TANC1: variants seen among roughly 807,000 people sequenced by gnomAD.
The protein encoded by TANC1 is protein TANC1.
Under a neutral mutation model 149.7 loss-of-function variants are expected in TANC1, and 77 were observed. The ratio of observed to expected loss-of-function variants is 0.51; its 90% CI spans 0.43 to 0.62. The LOEUF is 0.62. TANC1 is among the 20% of genes least tolerant of loss of function. The probability of loss-of-function intolerance (pLI) is 0.00; values close to 1 mark genes in which losing one functional copy is unlikely to be tolerated. For synonymous variants in TANC1, 854 were observed against 925.0 expected, an observed-to-expected ratio of 0.92 and a Z score of 1.39; for missense variants, 1,985 against 2,321.8, an observed-to-expected ratio of 0.85 and a Z score of 2.98.
intron 12 of TANC1, 56 bp from the exon 13 acceptor site, chr2:159,176,296 G>T (rs2055849979): frequency 9.6e-7 from 1 of 1,040,184 alleles, no homozygotes; most frequent in Admixed American, 2.8e-5. Flanking sequence ...ACTGGGTGTT[G>T]CTGTCTTAGA....
Position 159,037,200 on chromosome 2 carries a change from A to G in TANC1, c.-15-28696A>G, listed in dbSNP as rs576465718. Among the ~76,000 whole-genome samples the G allele has an allele frequency of 1.2e-4, 18 of 151,892 alleles. 1 individual carries two copies. In the East Asian group the frequency reaches 3.1e-3, roughly 26 times the overall value. Reference sequence around the variant, plus strand: ...GTTCATTTCCTTTGCCCACTTTTTGATGGGGTTGTTTGATTTTTTCTTGAA... The same window carrying G: ...GTTCATTTCCTTTGCCCACTTTTTGGTGGGGTTGTTTGATTTTTTCTTGAA... On this transcript the variant is annotated intron_variant, in intron 2 of 26. Coordinates refer to ENST00000263635, the MANE Select transcript of TANC1 (RefSeq NM_033394.3).
At chr2:159,158,332 C>G (rs1219251931) in intron 7 of TANC1, among the ~76,000 whole-genome samples, 4 of 152,078 alleles carry the variant, frequency 2.6e-5, no homozygotes, top group African/African-American at 9.7e-5. Context: ...TGTACTCCAG[C>G]CTGGGCAACA....
chr2:159,176,738 C>T (rs1333454458), intron 13 of TANC1, among the ~76,000 whole-genome samples: 2 of 152,036 alleles, frequency 1.3e-5, no homozygotes, highest in African/African-American at 2.4e-5. Context: ...CTGTTGGCAT[C>T]GAATTGCACG....
chr2:159,087,072 A>G (rs1489035994), intron 3 of TANC1, among the ~76,000 whole-genome samples: 1 of 152,116 alleles, frequency 6.6e-6, no homozygotes, highest in African/African-American at 2.4e-5. Flanking sequence ...GGCAGGCAGC[A>G]TCAGTTATTG....
At chr2:159,047,231 C>T (rs945539878) in intron 2 of TANC1, among the ~76,000 whole-genome samples, 1 of 150,696 alleles carries the variant, frequency 6.6e-6, no homozygotes. Context: ...CCACTCCAAA[C>T]CACTCACCCC....
At chr2:159,104,184 T>C (rs1292356509) in intron 4 of TANC1, among the ~76,000 whole-genome samples, 1 of 96,418 alleles carries the variant, frequency 1.0e-5, no homozygotes, top group African/African-American at 2.9e-5. Flanking sequence ...GCCTCCTTAC[T>C]GCGTGCCCAG....
At position 159,097,841 on chromosome 2, in the gene TANC1, A is replaced by C; in HGVS notation, c.259+7A>C. ...GTGAACAAAAAATCCCCAGGTAAAC[A>C]GGCAATGAAGGAGCTGCCTTGGTTA... On this transcript the variant is annotated splice_region_variant and intron_variant, in intron 4 of 26. Coordinates refer to ENST00000263635, the MANE Select transcript of TANC1 (RefSeq NM_033394.3). 6.2e-7 allele frequency: 1 copy of C among 1,608,974 alleles called. No homozygotes were observed. The highest frequency in any genetic ancestry group is 1.1e-5 in the South Asian group (1 of 91,036).
At chr2:159,170,482 A>C (rs2055085263) in intron 9 of TANC1, 42 bp from the exon 10 acceptor site, 1 of 1,536,684 alleles carries the variant, frequency 6.5e-7, no homozygotes, top group African/African-American at 1.4e-5. Flanking sequence ...TAGTTTATAA[A>C]ATTATGACAT....
At chr2:159,172,468 G>A (rs1408165165) in intron 11 of TANC1, among the ~76,000 whole-genome samples, 196 bp downstream of exon 11, 2 of 152,234 alleles carry the variant, frequency 1.3e-5, no homozygotes, top group Non-Finnish European at 2.9e-5. Context: ...GACATTGGCA[G>A]TGGACCTGAT....
chr2:159,205,931 T>C (rs2058576132), intron 19 of TANC1, among the ~76,000 whole-genome samples: 2 of 152,242 alleles, frequency 1.3e-5, no homozygotes. Context: ...CTTGCTGTCG[T>C]ACACTGAAGA....
At chr2:159,174,924 G>A (rs771672750) in intron 11 of TANC1, 29 bp from the exon 12 acceptor site, 15 of 1,562,260 alleles carry the variant, frequency 9.6e-6, no homozygotes, top group Admixed American at 1.7e-5. Context: ...AGAGGGTGAG[G>A]TGATGCTGAC....
intron 1 of TANC1, among the ~76,000 whole-genome samples, chr2:158,988,744 T>G (rs1033863743): frequency 6.6e-6 from 1 of 152,168 alleles, no homozygotes. Flanking sequence ...CTTGAAGGCC[T>G]TAAGAGAGAG....
chr2:159,062,851 C>T (rs1351854554), intron 2 of TANC1, among the ~76,000 whole-genome samples: 1 of 151,104 alleles, frequency 6.6e-6, no homozygotes, highest in East Asian at 1.9e-4. Flanking sequence ...CCTGTAGTCC[C>T]AGCTACTCAG....
At chr2:159,015,960 C>A (rs1384687290) in intron 2 of TANC1, among the ~76,000 whole-genome samples, 1 of 152,214 alleles carries the variant, frequency 6.6e-6, no homozygotes, top group African/African-American at 2.4e-5. Flanking sequence ...CTGAGCCCTT[C>A]AAACTGTTCC....
chr2:159,204,079 A>G (rs2058442732), intron 19 of TANC1, among the ~76,000 whole-genome samples: 1 of 152,262 alleles, frequency 6.6e-6, no homozygotes, highest in Non-Finnish European at 1.5e-5. Flanking sequence ...ACAATAGTTT[A>G]AAATCTCATC....
chr2:159,048,410 G>T (rs188406341), intron 2 of TANC1, among the ~76,000 whole-genome samples: 64 of 152,296 alleles, frequency 4.2e-4, no homozygotes, highest in African/African-American at 1.4e-3. Context: ...TAGCTGGGTG[G>T]CCTGAGACAA....
chr2:159,114,934 G>A (rs1372323456), intron 4 of TANC1, among the ~76,000 whole-genome samples: 1 of 152,136 alleles, frequency 6.6e-6, no homozygotes, highest in African/African-American at 2.4e-5. Flanking sequence ...AGTCTTTCAC[G>A]CAGTGATTTC....
intron 4 of TANC1, among the ~76,000 whole-genome samples, chr2:159,129,781 A>C (rs1040185198): frequency 5.3e-5 from 8 of 152,294 alleles, no homozygotes; most frequent in African/African-American, 1.7e-4. Flanking sequence ...CAGATGAAGT[A>C]GCTTTAATTT....
chr2:159,139,345 A>G (rs2051115791), intron 5 of TANC1, among the ~76,000 whole-genome samples: 1 of 152,252 alleles, frequency 6.6e-6, no homozygotes, highest in Non-Finnish European at 1.5e-5. Context: ...TAATAAAATC[A>G]TCAAACAAAA....
Sources: gnomAD v4.1 joint callset for allele counts (sites outside exome capture counted in the v4.1 genomes callset) on GRCh38, gnomAD v4.1.1 for gene constraint, MANE v1.5 for transcripts, NCBI Gene and HGNC (gene_info 2026-07-23, HGNC 2026-07-21) for gene names.